Variants in CAVIN2 observed in about 807,000 individuals in gnomAD.
CAVIN2 encodes caveolae associated protein 2.
Under a neutral mutation model 11.7 loss-of-function variants are expected in CAVIN2, and 13 were observed. The observed-to-expected ratio is 1.11, with a 90% CI of 0.72 to 1.77. The LOEUF (loss-of-function observed/expected upper bound fraction) is 1.77, where lower values mean the gene tolerates loss of function less well. Ranked by LOEUF, CAVIN2 falls within the 40% of genes most tolerant of loss-of-function variation. The probability of loss-of-function intolerance (pLI) is 0.00; values close to 1 mark genes in which losing one functional copy is unlikely to be tolerated. For synonymous variants in CAVIN2, 237 were observed against 223.2 expected, an observed-to-expected ratio of 1.06 and a Z score of -0.55; for missense variants, 549 against 542.9, an observed-to-expected ratio of 1.01 and a Z score of -0.11.
At position 191,836,663 on chromosome 2, in the gene CAVIN2, C is replaced by G; in HGVS notation, c.538G>C (p.Val180Leu). The G allele has an allele frequency of 6.2e-7, 1 of 1,614,000 alleles. No homozygotes were observed. Among genetic ancestry groups the G allele is most frequent in the Non-Finnish European group, 8.5e-7 (1 of 1,179,972 alleles). ...VFVKQPVSGA[V>L]EGKEELPDEN... ...TCCGGAAGCTCCTCCTTCCCTTCCA[C>G]GGCACCGGAAACGGGCTGTTTCACA... is the stretch of plus-strand genomic sequence containing the variant. Residue 180 changes from valine (V) to leucine (L), a missense_variant, in exon 2 of 2, where the codon GTG (valine) becomes CTG (leucine). Physicochemically the swap from Val to Leu is conservative, Grantham distance 32. Transcript: ENST00000304141.
rs752805994 is a variant in CAVIN2, at chr2:191,836,210, C to T, written c.991G>A (p.Glu331Lys). 8 of 1,614,010 alleles carry T rather than the reference C, an allele frequency of 5.0e-6. No individual in the cohort carries two copies. In the South Asian group the frequency reaches 5.5e-5, roughly 11 times the overall value. ...TCGGAATGACCCTCTGCAAAGGACT[C>T]CTCTTCCTGGTCATTTGGCATCTGC... The part of the protein sequence containing the change: ...SEQMPNDQEE[E>K]SFAEGHSEAS... The change falls in exon 2 of 2, where the codon GAG becomes AAG. Residue 331 changes from glutamate to lysine, a missense_variant. By Grantham distance (56) the Glu-to-Lys change is moderately conservative (BLOSUM62 1). Transcript: ENST00000304141.
Position 191,846,823 on chromosome 2 carries a change from T to G in CAVIN2, c.103A>C (p.Ser35Arg), listed in dbSNP as rs752890404. Residue 35 changes from serine to arginine, a missense_variant, in exon 1 of 2, where the codon AGC becomes CGC. Ser to Arg is a moderately radical substitution (Grantham distance 110). Transcript: ENST00000304141. ...SPSPMPSSTP[S>R]PSLNLGNTEE... ...GTGTTCCCTAGGTTCAGGCTGGGGCTTGGTGTGGAGGAAGGCATCGGGCTG... is the reference window on the plus strand; with the variant it reads ...GTGTTCCCTAGGTTCAGGCTGGGGCGTGGTGTGGAGGAAGGCATCGGGCTG... 2.8e-5 allele frequency: 45 copies of G among 1,614,180 alleles called. No individual in the cohort carries two copies. The highest frequency in any genetic ancestry group is 3.7e-5 in the Non-Finnish European group (44 of 1,180,034).
chr2:191,835,929 G>A lies in CAVIN2; in HGVS notation c.1272C>T (p.Thr424=). The A allele has an allele frequency of 6.2e-7, 1 of 1,611,030 alleles. No homozygotes were observed. The highest frequency in any genetic ancestry group is 8.5e-7 in the Non-Finnish European group (1 of 1,179,340). ...TGGCACGGTGGCTCTAAGCTCAGGA[G>A]GTCTGGTGCACCTGGAGCACGGCGG... is the stretch of plus-strand genomic sequence containing the variant. The part of the protein sequence containing the change: ...VQPAVLQVHQ[T]S The change falls in exon 2 of 2, where the codon ACC becomes ACT. Residue 424 remains threonine (T), a synonymous_variant. Transcript: ENST00000304141.
At chr2:191,842,679 T>G (rs1371044442) in intron 1 of CAVIN2, among the ~76,000 whole-genome samples, 2 of 152,256 alleles carry the variant, frequency 1.3e-5, no homozygotes, top group East Asian at 3.8e-4. Context: ...AGAAAACTGC[T>G]GAATTTAACT....
intron 1 of CAVIN2, among the ~76,000 whole-genome samples, chr2:191,844,991 G>C (rs1376207670): frequency 6.6e-6 from 1 of 152,134 alleles, no homozygotes; most frequent in East Asian, 1.9e-4. Context: ...GTTTGGTTTT[G>C]TTTGGAGATC....
intron 1 of CAVIN2, 83 bp from the exon 2 acceptor site, chr2:191,836,800 T>A: frequency 7.7e-7 from 1 of 1,295,650 alleles, no homozygotes; most frequent in Non-Finnish European, 1.1e-6. Context: ...TGTGTCTGTT[T>A]TGGAGACACG....
At position 191,846,914 on chromosome 2, in the gene CAVIN2, G is replaced by T. The variant is rs776627655; in HGVS notation, c.12C>A (p.Asp4Glu). 5 of 1,608,464 alleles carry T rather than the reference G, an allele frequency of 3.1e-6. No homozygotes were observed. In the South Asian group the frequency reaches 5.5e-5, roughly 18 times the overall value. The change falls in exon 1 of 2, where the codon GAC (aspartate) becomes GAA (glutamate). Residue 4 changes from aspartate (D) to glutamate (E), a missense_variant. Transcript: ENST00000304141. The part of the protein sequence containing the change: MGE[D>E]AAQAEKFQHP... ...GCTGGAACTTTTCGGCCTGTGCAGCGTCCTCTCCCATGGCTAGGCAGGTGG... is the reference window on the plus strand; with the variant it reads ...GCTGGAACTTTTCGGCCTGTGCAGCTTCCTCTCCCATGGCTAGGCAGGTGG...
chr2:191,835,998 T>C lies in CAVIN2; in HGVS notation c.1203A>G (p.Leu401=). The change falls in exon 2 of 2, where the codon CTA becomes CTG. Residue 401 remains leucine (L), a synonymous_variant. Coordinates refer to ENST00000304141, the MANE Select transcript of CAVIN2 (RefSeq NM_004657.6). ...QKVRYEGSYA[L]TSEEAERSDG... ...CGGAGCGCTCCGCCTCCTCGGATGTTAGCGCGTAGCTACCCTCATAGCGTA... is the reference window on the plus strand; with the variant it reads ...CGGAGCGCTCCGCCTCCTCGGATGTCAGCGCGTAGCTACCCTCATAGCGTA... 6.2e-7 allele frequency: 1 copy of C among 1,614,176 alleles called. No individual in the cohort carries two copies. Among genetic ancestry groups the C allele is most frequent in the Non-Finnish European group, 8.5e-7 (1 of 1,180,020 alleles).
At position 191,836,192 on chromosome 2, in the gene CAVIN2, G is replaced by A. The variant is rs115736105; in HGVS notation, c.1009C>T (p.His337Tyr). Reference protein sequence around the residue: ...DQEEESFAEGHSEASLASALV... With the variant: ...DQEEESFAEGYSEASLASALV... ...GCGCTGGCGAGGGACGCTTCGGAAT[G>A]ACCCTCTGCAAAGGACTCCTCTTCC... Residue 337 changes from histidine (H) to tyrosine (Y), a missense_variant, in exon 2 of 2, where the codon CAT (histidine) becomes TAT (tyrosine). By Grantham distance (83) the His-to-Tyr change is moderately conservative. Coordinates refer to ENST00000304141, the MANE Select transcript of CAVIN2 (RefSeq NM_004657.6). The A allele has an allele frequency of 2.7e-4, 429 of 1,614,118 alleles. 1 individual carries two copies. In the African/African-American group the frequency reaches 5.2e-3, roughly 20 times the overall value.
chr2:191,846,513 T>TGTGCGCACTGCCTATCC lies in CAVIN2; in HGVS notation c.396_412dup (p.Gln138ArgfsTer8), dbSNP rs955794512. 4 of 1,614,264 alleles carry TGTGCGCACTGCCTATCC rather than the reference T, an allele frequency of 2.5e-6. No individual in the cohort carries two copies. The highest frequency in any genetic ancestry group is 2.5e-6 in the Non-Finnish European group (3 of 1,180,046). ...GTGGTTGTTCTCCAGCCGCTTCACC[T>TGTGCGCACTGCCTATCC]GTGCGCACTGCCTATCCATGCGCTC... On this transcript the variant is annotated frameshift_variant, in exon 1 of 2. Transcript: ENST00000304141. LOFTEE classifies it high-confidence loss of function.
At chr2:191,844,471 C>A (rs1162496581) in intron 1 of CAVIN2, among the ~76,000 whole-genome samples, 1 of 152,136 alleles carries the variant, frequency 6.6e-6, no homozygotes, top group Non-Finnish European at 1.5e-5. Flanking sequence ...TAGTTTCCTG[C>A]CTCCTAAAAT....
intron 1 of CAVIN2, among the ~76,000 whole-genome samples, chr2:191,842,706 T>C (rs1373963120): frequency 1.3e-5 from 2 of 152,232 alleles, no homozygotes; most frequent in African/African-American, 2.4e-5. Context: ...TTAAGATTTA[T>C]TTTATTGCTG....
chr2:191,836,014 T>C lies in CAVIN2; in HGVS notation c.1187A>G (p.Glu396Gly), dbSNP rs576581180. ...ALEQAQKVRYEGSYALTSEEA... is the reference protein window; with the variant it reads ...ALEQAQKVRYGGSYALTSEEA... ...CTCGGATGTTAGCGCGTAGCTACCC[T>C]CATAGCGTACCTTCTGTGCCTGTTC... is the stretch of plus-strand genomic sequence containing the variant. The change falls in exon 2 of 2, where the codon GAG becomes GGG. Residue 396 changes from glutamate (E) to glycine (G), a missense_variant. Coordinates refer to ENST00000304141, the MANE Select transcript of CAVIN2 (RefSeq NM_004657.6). 2 of 1,614,198 alleles carry C rather than the reference T, an allele frequency of 1.2e-6. No homozygotes were observed. The highest frequency in any genetic ancestry group is 2.2e-5 in the South Asian group (2 of 91,084).
In CAVIN2 at chr2:191,846,838, G is replaced by C; in HGVS notation, c.88C>G (p.Pro30Ala). The change falls in exon 1 of 2, where the codon CCT (proline) becomes GCT (alanine). Residue 30 changes from proline (P) to alanine (A), a missense_variant. Physicochemically the swap from Pro to Ala is conservative, Grantham distance 27. Coordinates refer to ENST00000304141, the MANE Select transcript of CAVIN2 (RefSeq NM_004657.6). The stretch of plus-strand genomic sequence containing the variant: ...AGGCTGGGGCTTGGTGTGGAGGAAG[G>C]CATCGGGCTGGGGCTCGAGGGCTTT... ...QEKPSSPSPM[P>A]SSTPSPSLNL... The C allele has an allele frequency of 6.2e-7, 1 of 1,614,202 alleles. No homozygotes were observed. The highest frequency in any genetic ancestry group is 1.1e-5 in the South Asian group (1 of 91,078).
intron 1 of CAVIN2, among the ~76,000 whole-genome samples, chr2:191,841,983 G>A (rs114394738): frequency 2.0e-3 from 306 of 152,292 alleles, no homozygotes; most frequent in African/African-American, 6.7e-3. Context: ...ACATTGTAGC[G>A]TGATAGAAAC....
At position 191,834,324 on chromosome 2, in the gene CAVIN2, C is replaced by T. The variant is rs746620587; in HGVS notation, c.*1599G>A. ...ACATTGTTTCATGCTTTTTATTTTT[C>T]GGTTTATTTAATCTTCTTTAACACA... is the stretch of plus-strand genomic sequence containing the variant. On this transcript the variant is annotated 3_prime_UTR_variant, in exon 2 of 2. Transcript: ENST00000304141. 3.9e-5 allele frequency: 6 copies of T among 152,030 alleles called. No individual in the cohort carries two copies. The highest frequency in any genetic ancestry group is 2.1e-4 in the South Asian group (1 of 4,828). 9.4% of individuals were successfully genotyped at this position (152,030 alleles called of 1,614,324 possible). A position where few individuals can be genotyped will look rare whatever the true frequency, so the allele number is the denominator to read the frequency against.
At chr2:191,846,390 A>G (rs1690165426) in intron 1 of CAVIN2, 53 bp downstream of exon 1, 1 of 1,533,922 alleles carries the variant, frequency 6.5e-7, no homozygotes, top group Non-Finnish European at 8.8e-7. Flanking sequence ...GAGCGAGATC[A>G]AGAATGATAA....
intron 1 of CAVIN2, among the ~76,000 whole-genome samples, chr2:191,841,616 A>AC (rs1458253153): frequency 1.3e-5 from 2 of 152,320 alleles, no homozygotes; most frequent in African/African-American, 4.8e-5. Flanking sequence ...TCCATAGTGT[A>AC]CTGATACCAA....
At position 191,835,830 on chromosome 2, in the gene CAVIN2, G is replaced by A; in HGVS notation, c.*93C>T. 1 of 1,244,444 alleles carries A rather than the reference G, an allele frequency of 8.0e-7. No homozygotes were observed. The highest frequency in any genetic ancestry group is 1.1e-6 in the Non-Finnish European group (1 of 900,060). The allele number at this position is 1,244,444 out of a possible 1,614,324, so 77.1% of individuals were successfully genotyped here. On this transcript the variant is annotated 3_prime_UTR_variant, in exon 2 of 2. Coordinates refer to ENST00000304141, the MANE Select transcript of CAVIN2 (RefSeq NM_004657.6). ...TTACTGCCTGGACAGGAACGCAGGAGTGGGTGAGTCGTGCTGGAGATGTGC... is the reference window on the plus strand; with the variant it reads ...TTACTGCCTGGACAGGAACGCAGGAATGGGTGAGTCGTGCTGGAGATGTGC...
Sources: gnomAD v4.1 joint callset for allele counts (sites outside exome capture counted in the v4.1 genomes callset) on GRCh38, gnomAD v4.1.1 for gene constraint, MANE v1.5 for transcripts, NCBI Gene and HGNC (gene_info 2026-07-23, HGNC 2026-07-21) for gene names.